The following LRP12 variants were observed in gnomAD, a reference collection of about 807,000 sequenced individuals.
The protein encoded by LRP12 is low-density lipoprotein receptor-related protein 12.
A neutral mutation model predicts 66.0 loss-of-function variants in LRP12; 14 were observed. The observed-to-expected ratio is 0.21, with a 90% CI of 0.14 to 0.33. The LOEUF (loss-of-function observed/expected upper bound fraction) is 0.33. Among genes scored for constraint, LRP12 ranks in the 10% least tolerant of loss-of-function variants. The pLI is 1.00. For synonymous variants in LRP12, 357 were observed against 359.1 expected (o/e 0.99, Z 0.07); for missense variants, 889 against 1,053.4 (o/e 0.84, Z 2.16).
At chr8:104,566,382 G>T in intron 1 of LRP12, 1 of 260,558 alleles carries the variant, frequency 3.8e-6, no homozygotes, top group South Asian at 6.4e-5. Context: ...GAAAACCATG[G>T]GAGCCTTAGG....
intron 3 of LRP12, chr8:104,505,175 T>C (rs1373207951): frequency 1.3e-5 from 2 of 151,924 alleles, no homozygotes; most frequent in African/African-American, 2.4e-5. Flanking sequence ...CGTGCCATCA[T>C]GCCCAGCTAG....
intron 1 of LRP12, among the ~76,000 whole-genome samples, chr8:104,578,316 C>T (rs1812197473): frequency 6.6e-6 from 1 of 152,102 alleles, no homozygotes; most frequent in Non-Finnish European, 1.5e-5. Flanking sequence ...TTACTGGACA[C>T]ATACACCTTC....
chr8:104,494,457 C>T (rs1201168071), intron 6 of LRP12, among the ~76,000 whole-genome samples: 1 of 152,102 alleles, frequency 6.6e-6, no homozygotes, highest in African/African-American at 2.4e-5. Flanking sequence ...CTGGAAACAA[C>T]AGTTTTTATA....
rs749908729 is a variant in LRP12 at position 104,497,576 on chromosome 8, G to A, written c.976C>T (p.His326Tyr). The A allele has an allele frequency of 1.2e-6, 2 of 1,613,698 alleles. No homozygotes were observed. Among genetic ancestry groups the A allele is most frequent in the Admixed American group, 1.7e-5 (1 of 59,964 alleles). ...GCTGTCAACACACGCAAAAGCTTGT[G>A]TGGATTCTCCTCTAATCCATCATAT... ...KIYDGLEENPHKLLRVLTAFD... is the reference protein window; with the variant it reads ...KIYDGLEENPYKLLRVLTAFD... The change falls in exon 5 of 7, where the codon CAC becomes TAC. Residue 326 changes from histidine (H) to tyrosine (Y), a missense_variant. Around this residue, in one of 3 missense-constraint regions of LRP12, gnomAD observed 800 missense variants for 964.5 expected, o/e 0.83. Coordinates refer to ENST00000276654, the MANE Select transcript of LRP12 (RefSeq NM_013437.5). This position sits in a 1 kb window ranked among gnomAD's most constrained non-coding sequence, Gnocchi z 4.3.
chr8:104,534,068 C>CAAAAAA (rs35546158), intron 1 of LRP12, among the ~76,000 whole-genome samples: 1 of 135,866 alleles, frequency 7.4e-6, no homozygotes. Context: ...TTTATAATAG[C>CAAAAAA]AAAAAAAAAA....
intron 1 of LRP12, among the ~76,000 whole-genome samples, chr8:104,576,982 C>T (rs1037024865): frequency 6.6e-6 from 1 of 151,874 alleles, no homozygotes; most frequent in African/African-American, 2.4e-5. Flanking sequence ...AAACACAGAT[C>T]GAAAAAGACA....
At chr8:104,577,810 C>CAAAA (rs34298645) in intron 1 of LRP12, among the ~76,000 whole-genome samples, 1 of 111,114 alleles carries the variant, frequency 9.0e-6, no homozygotes, top group Middle Eastern at 4.6e-3. Flanking sequence ...GACTCCATCT[C>CAAAA]AAAAAAAAAA....
chr8:104,548,625 A>AATTATTATATAATTAAATTAATTATATG (rs1811675748), intron 1 of LRP12, among the ~76,000 whole-genome samples: 3 of 109,870 alleles, frequency 2.7e-5, no homozygotes, highest in Non-Finnish European at 5.4e-5. Flanking sequence ...TTAATTATAT[A>AATTATTATATAATTAAATTAATTATATG]ATTATTATAT....
chr8:104,518,584 GGTAGATAATCTATAATAACACA>G, intron 2 of LRP12, among the ~76,000 whole-genome samples: 1 of 152,000 alleles, frequency 6.6e-6, no homozygotes, highest in Middle Eastern at 3.4e-3. Flanking sequence ...GGATAGAAAG[GGTAGATAATCTATAATAACACA>G]GAGAAAATAA....
At chr8:104,502,983 G>C in intron 3 of LRP12, among the ~76,000 whole-genome samples, 1 of 152,052 alleles carries the variant, frequency 6.6e-6, no homozygotes. Context: ...TCAGAAGTTC[G>C]AGACCAACCT....
At chr8:104,521,078 C>T (rs1420301047) in intron 2 of LRP12, among the ~76,000 whole-genome samples, 1 of 151,998 alleles carries the variant, frequency 6.6e-6, no homozygotes, top group African/African-American at 2.4e-5. Flanking sequence ...TTTATTATAA[C>T]ATACAATGAG....
chr8:104,503,328 C>CAAAAA (rs59353283), intron 3 of LRP12, among the ~76,000 whole-genome samples: 6 of 30,090 alleles, frequency 2.0e-4, no homozygotes, highest in Non-Finnish European at 2.8e-4. Flanking sequence ...CTGTGTCTCT[C>CAAAAA]AAAAAAAAAA....
At chr8:104,524,376 C>T (rs925882307) in intron 2 of LRP12, among the ~76,000 whole-genome samples, 8 of 151,766 alleles carry the variant, frequency 5.3e-5, no homozygotes. Flanking sequence ...GGAGAATCAA[C>T]AATTATATAT....
rs2140822369 is a variant in LRP12 at position 104,489,270 on chromosome 8, T to C, written c.*1403A>G. The C allele has an allele frequency of 6.5e-6, 1 of 152,686 alleles. No homozygotes were observed. The highest frequency in any genetic ancestry group is 3.4e-3 in the Middle Eastern group (1 of 294). 9.5% of individuals were successfully genotyped at this position (152,686 alleles called of 1,614,324 possible). A position where few individuals can be genotyped will look rare whatever the true frequency, so the allele number is the denominator to read the frequency against. ...TACCTCAAGGCAATAAAAAAAATCATTTTAATTTTTGATACATATTAAAAC... is the reference window on the plus strand; with the variant it reads ...TACCTCAAGGCAATAAAAAAAATCACTTTAATTTTTGATACATATTAAAAC... On this transcript the variant is annotated 3_prime_UTR_variant, in exon 7 of 7. Transcript: ENST00000276654.
intron 1 of LRP12, chr8:104,566,324 T>G: frequency 4.2e-6 from 1 of 237,264 alleles, no homozygotes. Flanking sequence ...GAAGAGGTGA[T>G]TCCTCAGGTT....
intron 5 of LRP12, among the ~76,000 whole-genome samples, chr8:104,496,728 T>C (rs1192255472): frequency 1.3e-5 from 2 of 152,182 alleles, no homozygotes; most frequent in Non-Finnish European, 2.9e-5. Flanking sequence ...ATAAAACAGA[T>C]TAATCTGAAA....
chr8:104,574,376 G>A (rs1812128326), intron 1 of LRP12, among the ~76,000 whole-genome samples: 1 of 152,142 alleles, frequency 6.6e-6, no homozygotes, highest in South Asian at 2.1e-4. Flanking sequence ...CGACCCGAAA[G>A]TTTGGAAACT....
chr8:104,535,025 T>TAAA (rs35159534), intron 1 of LRP12, among the ~76,000 whole-genome samples: 1 of 131,726 alleles, frequency 7.6e-6, no homozygotes, highest in Non-Finnish European at 1.7e-5. Flanking sequence ...TAGCAAATAC[T>TAAA]AAAAAAAAAA....
chr8:104,525,814 G>A (rs1811226910), intron 2 of LRP12, among the ~76,000 whole-genome samples: 1 of 152,074 alleles, frequency 6.6e-6, no homozygotes, highest in Non-Finnish European at 1.5e-5. Flanking sequence ...TCAACATAGT[G>A]TTGGAAATTC....
Sources: gnomAD v4.1 joint callset for allele counts (sites outside exome capture counted in the v4.1 genomes callset) on GRCh38, gnomAD v4.1.1 for gene constraint, gnomAD v4.1.1 regional missense constraint, Gnocchi (gnomAD v3.1) non-coding constraint, MANE v1.5 for transcripts, NCBI Gene and HGNC (gene_info 2026-07-23, HGNC 2026-07-21) for gene names.